Variants in NAALADL2 observed in about 807,000 individuals in gnomAD.
NAALADL2 encodes the protein inactive N-acetylated-alpha-linked acidic dipeptidase-like protein 2.
A neutral mutation model predicts 87.2 loss-of-function variants in NAALADL2; 76 were observed. The observed-to-expected ratio is 0.87, with a 90% CI of 0.72 to 1.05. NAALADL2 has a LOEUF of 1.05. Among genes scored for constraint, NAALADL2 ranks in the 50% least tolerant of loss-of-function variants. The pLI is 0.00. For missense variants in NAALADL2, 1,089 were observed against 945.8 expected (o/e 1.15, Z -1.99); for synonymous variants, 354 against 331.0 (o/e 1.07, Z -0.75).
At position 175,436,852 on chromosome 3, in the gene NAALADL2, T is replaced by G. The variant is rs1440515223; in HGVS notation, c.1091-10377T>G. Among the ~76,000 whole-genome samples, 165 of 87,148 alleles carry G rather than the reference T, an allele frequency of 1.9e-3. 1 individual carries two copies. Among genetic ancestry groups the G allele is most frequent in the African/African-American group, 7.1e-3 (156 of 21,996 alleles). The allele number at this position is 87,148 out of a possible 152,430, so 57.2% of individuals were successfully genotyped here. On this transcript the variant is annotated intron_variant, in intron 5 of 13. Coordinates refer to ENST00000454872, the MANE Select transcript of NAALADL2 (RefSeq NM_207015.3). ...TTTGCTGTGCAGAAGCTCTTTAGTT[T>G]AATTAGATCCCATTTGTCAATTTTG...
intron 4 of NAALADL2, among the ~76,000 whole-genome samples, chr3:175,287,438 T>C (rs1755121470): frequency 6.6e-6 from 1 of 152,182 alleles, no homozygotes; most frequent in South Asian, 2.1e-4. Flanking sequence ...TATAAATACT[T>C]TTTAATACAT....
chr3:175,507,850 G>A (rs1730566683), intron 9 of NAALADL2, among the ~76,000 whole-genome samples: 1 of 152,106 alleles, frequency 6.6e-6, no homozygotes, highest in African/African-American at 2.4e-5. Context: ...TTTGTCCTCA[G>A]GTTTTTTCTT....
chr3:175,182,891 T>G (rs1050005062), intron 2 of NAALADL2, among the ~76,000 whole-genome samples: 2 of 152,052 alleles, frequency 1.3e-5, no homozygotes, highest in Non-Finnish European at 1.5e-5. Flanking sequence ...ATATATTTTA[T>G]CCATTTTTAG....
chr3:175,241,880 T>TTTTTTTTA (rs1746974542), intron 3 of NAALADL2, among the ~76,000 whole-genome samples: 2 of 148,268 alleles, frequency 1.3e-5, no homozygotes, highest in East Asian at 2.0e-4. Context: ...TTTTTTTTCT[T>TTTTTTTTA]GAGACAGAGT....
chr3:174,960,061 C>T (rs924234988), intron 1 of NAALADL2, among the ~76,000 whole-genome samples: 1 of 151,918 alleles, frequency 6.6e-6, no homozygotes, highest in Non-Finnish European at 1.5e-5. Context: ...GCTGCAGACC[C>T]CGTAGTTAAT....
intron 1 of NAALADL2, among the ~76,000 whole-genome samples, chr3:174,537,387 T>C (rs925668578): frequency 2.0e-5 from 3 of 152,196 alleles, no homozygotes; most frequent in Non-Finnish European, 2.9e-5. Context: ...TACCGTTGAC[T>C]TGAAAGATCA....
At chr3:174,679,680 AAATT>A (rs1174064254) in intron 2 of NAALADL2, among the ~76,000 whole-genome samples, 2 of 152,192 alleles carry the variant, frequency 1.3e-5, no homozygotes, top group African/African-American at 4.8e-5. Flanking sequence ...ACCAAAAAAT[AAATT>A]GTGTTTACTT....
At chr3:175,763,658 A>G (rs1748324796) in intron 13 of NAALADL2, among the ~76,000 whole-genome samples, 1 of 152,226 alleles carries the variant, frequency 6.6e-6, no homozygotes, top group Non-Finnish European at 1.5e-5. Context: ...ATATAATGAC[A>G]AAGGATTTCT....
chr3:175,734,992 A>G (rs182113032), intron 11 of NAALADL2, among the ~76,000 whole-genome samples: 146 of 152,292 alleles, frequency 9.6e-4, no homozygotes, highest in Non-Finnish European at 1.8e-3. Context: ...TCAGGCTGCA[A>G]ATTTTCCAAA....
chr3:175,680,603 T>C (rs557707546), intron 11 of NAALADL2, among the ~76,000 whole-genome samples: 1 of 152,310 alleles, frequency 6.6e-6, no homozygotes, highest in Admixed American at 6.5e-5. Context: ...TATAAGACTC[T>C]TATGAGACAG....
intron 3 of NAALADL2, among the ~76,000 whole-genome samples, chr3:174,763,893 A>AATT (rs1471490705): frequency 1.3e-5 from 2 of 152,144 alleles, no homozygotes; most frequent in Admixed American, 1.3e-4. Context: ...AAAGCCATAA[A>AATT]ATTTTAGAAA....
At chr3:175,536,418 C>T (rs1734822528) in intron 9 of NAALADL2, among the ~76,000 whole-genome samples, 1 of 152,068 alleles carries the variant, frequency 6.6e-6, no homozygotes, top group African/African-American at 2.4e-5. Flanking sequence ...ATTTTGCCTA[C>T]AATGGTTGTG....
intron 10 of NAALADL2, among the ~76,000 whole-genome samples, chr3:175,618,693 T>C (rs530246703): frequency 4.6e-5 from 7 of 152,154 alleles, no homozygotes; most frequent in African/African-American, 1.7e-4. Context: ...AAGGTGTCCC[T>C]TTTCTTCTCT....
At chr3:175,612,293 G>C (rs1180450622) in intron 10 of NAALADL2, among the ~76,000 whole-genome samples, 1 of 152,100 alleles carries the variant, frequency 6.6e-6, no homozygotes, top group African/African-American at 2.4e-5. Context: ...TCTTATTTCT[G>C]CACAATTTTA....
At chr3:175,578,156 C>T (rs145804861) in intron 10 of NAALADL2, among the ~76,000 whole-genome samples, 51 of 152,026 alleles carry the variant, frequency 3.4e-4, no homozygotes, top group African/African-American at 1.1e-3. Flanking sequence ...ATAGGTGCAA[C>T]GGTTCATGCC....
intron 11 of NAALADL2, among the ~76,000 whole-genome samples, chr3:175,720,233 AAG>A (rs1284628565): frequency 1.3e-5 from 2 of 151,512 alleles, no homozygotes; most frequent in African/African-American, 2.4e-5. Flanking sequence ...AATAAACTAT[AAG>A]AGTTTTTTGA....
intron 2 of NAALADL2, among the ~76,000 whole-genome samples, chr3:174,587,819 C>G (rs2108576321): frequency 6.6e-6 from 1 of 152,218 alleles, no homozygotes; most frequent in East Asian, 1.9e-4. Flanking sequence ...TTTTTTCCTT[C>G]ATTTCAACTC....
At chr3:174,615,085 C>T (rs956935014) in intron 2 of NAALADL2, among the ~76,000 whole-genome samples, 5 of 152,100 alleles carry the variant, frequency 3.3e-5, no homozygotes, top group East Asian at 1.9e-4. Context: ...GTGAGGTTTC[C>T]GTAGGGCAAG....
intron 2 of NAALADL2, among the ~76,000 whole-genome samples, chr3:174,558,271 C>T (rs1236567923): frequency 1.3e-5 from 2 of 152,116 alleles, no homozygotes; most frequent in Non-Finnish European, 2.9e-5. Flanking sequence ...GCGCTTGTTT[C>T]CTCTAGCACA....
Sources: gnomAD v4.1 joint callset for allele counts (sites outside exome capture counted in the v4.1 genomes callset) on GRCh38, gnomAD v4.1.1 for gene constraint, MANE v1.5 for transcripts, NCBI Gene and HGNC (gene_info 2026-07-23, HGNC 2026-07-21) for gene names.